MPP7: variants seen among roughly 807,000 people sequenced by gnomAD.
MPP7 encodes the protein MAGUK p55 scaffold protein 7.
MPP7 carries 60 observed loss-of-function variants against 76.5 expected under a neutral mutation model. The ratio of observed to expected loss-of-function variants is 0.78; its 90% CI spans 0.64 to 0.97. The LOEUF is 0.97. MPP7 is among the 50% of genes least tolerant of loss of function. The pLI, the probability that MPP7 is intolerant of heterozygous loss-of-function variation, is 0.00. For synonymous variants in MPP7, 237 were observed against 244.5 expected, an observed-to-expected ratio of 0.97 and a Z score of 0.29; for missense variants, 641 against 694.0, an observed-to-expected ratio of 0.92 and a Z score of 0.86.
intron 1 of MPP7, among the ~76,000 whole-genome samples, chr10:28,269,917 G>C (rs1008427894): frequency 6.6e-6 from 1 of 152,160 alleles, no homozygotes. Flanking sequence ...TGCAAAGACA[G>C]GATATCAGGA....
intron 2 of MPP7, among the ~76,000 whole-genome samples, chr10:28,210,498 A>G (rs1838096754): frequency 6.6e-6 from 1 of 152,210 alleles, no homozygotes; most frequent in Non-Finnish European, 1.5e-5. Flanking sequence ...GAAACTTATA[A>G]GAGAAGGTCA....
intron 2 of MPP7, among the ~76,000 whole-genome samples, chr10:28,329,218 A>T (rs975501116): frequency 1.3e-5 from 2 of 152,190 alleles, no homozygotes; most frequent in African/African-American, 4.8e-5. Flanking sequence ...CTAGAATATT[A>T]CCTTATTAAT....
At chr10:28,091,328 T>A (rs1300746333) in intron 11 of MPP7, among the ~76,000 whole-genome samples, 1 of 151,034 alleles carries the variant, frequency 6.6e-6, no homozygotes, top group East Asian at 2.0e-4. Context: ...GCTCTTGTTG[T>A]CCAGGCTAGA....
intron 13 of MPP7, among the ~76,000 whole-genome samples, 194 bp from the exon 14 acceptor site, chr10:28,059,937 T>C (rs1282965024): frequency 6.6e-6 from 1 of 152,224 alleles, no homozygotes; most frequent in Non-Finnish European, 1.5e-5. Context: ...ATTATATTGA[T>C]TTGAAGATGG....
intron 3 of MPP7, among the ~76,000 whole-genome samples, chr10:28,168,583 A>T (rs1014856908): frequency 6.6e-6 from 1 of 151,862 alleles, no homozygotes; most frequent in Non-Finnish European, 1.5e-5. Flanking sequence ...CAGTGGTGTG[A>T]TCTCAGCTCA....
At chr10:28,318,545 C>G (rs974897490) in intron 2 of MPP7, among the ~76,000 whole-genome samples, 5 of 152,144 alleles carry the variant, frequency 3.3e-5, no homozygotes, top group African/African-American at 1.2e-4. Flanking sequence ...ATTAGCTGGA[C>G]ATGGTTTCGT....
chr10:28,184,382 ATAT>A lies in MPP7; in HGVS notation c.156+17768_156+17770del, dbSNP rs1350334630. Among the ~76,000 whole-genome samples, 4 of 148,354 alleles carry A rather than the reference ATAT, an allele frequency of 2.7e-5. No homozygotes were observed. The East Asian group carries it at 7.8e-4, about 29-fold the overall frequency. ...ATATTATTATGATATATATCACAAGATATTATTAATATATTACAATATTAATAT... is the reference window on the plus strand; with the variant it reads ...ATATTATTATGATATATATCACAAGATATTAATATATTACAATATTAATAT... On this transcript the variant is annotated intron_variant, in intron 3 of 16. Coordinates refer to ENST00000683449, the MANE Select transcript of MPP7 (RefSeq NM_001318170.2).
At chr10:28,078,769 C>A (rs1006803947) in intron 12 of MPP7, among the ~76,000 whole-genome samples, 1 of 152,098 alleles carries the variant, frequency 6.6e-6, no homozygotes, top group African/African-American at 2.4e-5. Context: ...ACTTTAAATT[C>A]CTTTTTATGC....
intron 9 of MPP7, 33 bp from the exon 10 acceptor site, chr10:28,120,423 G>C: frequency 6.3e-7 from 1 of 1,583,404 alleles, no homozygotes; most frequent in Non-Finnish European, 8.6e-7. Context: ...GATGAATAAA[G>C]ATAAAAAATA....
rs187676122 is a variant in MPP7, at chr10:28,244,781, G to A, written c.-131-6046C>T. On this transcript the variant is annotated intron_variant, in intron 1 of 16. Coordinates refer to ENST00000683449, the MANE Select transcript of MPP7 (RefSeq NM_001318170.2). ...GCCGGGAACCCTGGTCCATTTGCCA[G>A]GAAGGAGTATTAACCACAAGACCCT... is the stretch of plus-strand genomic sequence containing the variant. 2.5e-3 allele frequency among the ~76,000 whole-genome samples: 379 copies of A among 152,270 alleles called. 6 individuals carry two copies. In the South Asian group the frequency reaches 0.048, roughly 19 times the overall value.
chr10:28,106,309 C>G (rs1834324326), intron 11 of MPP7, among the ~76,000 whole-genome samples: 1 of 152,166 alleles, frequency 6.6e-6, no homozygotes, highest in Non-Finnish European at 1.5e-5. Flanking sequence ...GGATACCTAT[C>G]TACAGCAGTG....
intron 9 of MPP7, 22 bp downstream of exon 9, chr10:28,120,572 A>C: frequency 6.2e-7 from 1 of 1,607,114 alleles, no homozygotes; most frequent in Non-Finnish European, 8.5e-7. Context: ...CGCACGAAGA[A>C]ATGTTTTTAA....
At chr10:28,071,565 GAATT>G (rs773628326) in intron 12 of MPP7, among the ~76,000 whole-genome samples, 1 of 151,970 alleles carries the variant, frequency 6.6e-6, no homozygotes, top group Non-Finnish European at 1.5e-5. Flanking sequence ...TCCTGAAATG[GAATT>G]AATTGCTAAT....
At chr10:28,114,483 G>T (rs888971811) in intron 11 of MPP7, among the ~76,000 whole-genome samples, 2 of 151,942 alleles carry the variant, frequency 1.3e-5, no homozygotes, top group Admixed American at 6.6e-5. Flanking sequence ...GAACTAGAAA[G>T]GTTCTGTGAA....
chr10:28,192,579 G>T lies in MPP7; in HGVS notation c.156+9574C>A, dbSNP rs184358006. ...AATCTAACAAAATATAGTGTGCAGA[G>T]AATCTAAATAAGGAAAACACAAACT... On this transcript the variant is annotated intron_variant, in intron 3 of 16. Coordinates refer to ENST00000683449, the MANE Select transcript of MPP7 (RefSeq NM_001318170.2). 5.9e-5 allele frequency among the ~76,000 whole-genome samples: 9 copies of T among 152,218 alleles called. No individual in the cohort carries two copies. In the East Asian group the frequency reaches 1.7e-3, roughly 29 times the overall value.
chr10:28,282,791 G>C (rs1027111376), intron 1 of MPP7, among the ~76,000 whole-genome samples: 1 of 151,872 alleles, frequency 6.6e-6, no homozygotes. Flanking sequence ...GCTATTGCCT[G>C]CTTGTTCTGT....
At chr10:28,315,448 C>G (rs1203780175) in intron 2 of MPP7, among the ~76,000 whole-genome samples, 2 of 152,184 alleles carry the variant, frequency 1.3e-5, no homozygotes, top group African/African-American at 4.8e-5. Flanking sequence ...GTTGTGCCCC[C>G]TTTTCGAGCT....
intron 5 of MPP7, among the ~76,000 whole-genome samples, chr10:28,144,484 A>C (rs1471647124): frequency 6.6e-6 from 1 of 152,126 alleles, no homozygotes; most frequent in Non-Finnish European, 1.5e-5. Context: ...CCCCAGCTCC[A>C]AACTCTCACC....
intron 3 of MPP7, among the ~76,000 whole-genome samples, chr10:28,178,970 G>A (rs1836967338): frequency 6.6e-6 from 1 of 152,110 alleles, no homozygotes; most frequent in Non-Finnish European, 1.5e-5. Flanking sequence ...ATCCAGAAAG[G>A]CCAATATTCA....
Sources: gnomAD v4.1 joint callset for allele counts (sites outside exome capture counted in the v4.1 genomes callset) on GRCh38, gnomAD v4.1.1 for gene constraint, MANE v1.5 for transcripts, NCBI Gene and HGNC (gene_info 2026-07-23, HGNC 2026-07-21) for gene names.